TMEM117: variants seen among roughly 807,000 people sequenced by gnomAD.
The protein encoded by TMEM117 is transmembrane protein 117.
Under a neutral mutation model 52.4 loss-of-function variants are expected in TMEM117, and 27 were observed. The ratio of observed to expected loss-of-function variants is 0.51; its 90% CI spans 0.38 to 0.71. The LOEUF (loss-of-function observed/expected upper bound fraction) is 0.71, where lower values mean the gene tolerates loss of function less well. TMEM117 is among the 30% of genes least tolerant of loss of function. TMEM117 has a pLI of 0.00. For synonymous variants in TMEM117, 215 were observed against 206.3 expected (o/e 1.04, Z -0.36); for missense variants, 556 against 630.5 (o/e 0.88, Z 1.26).
intron 3 of TMEM117, among the ~76,000 whole-genome samples, chr12:44,118,681 T>TC (rs1948186048): frequency 6.6e-6 from 1 of 152,218 alleles, no homozygotes; most frequent in Non-Finnish European, 1.5e-5. Context: ...GATGAGCTCT[T>TC]CAAGTATTAC....
At chr12:44,312,807 A>G (rs1316626453) in intron 6 of TMEM117, among the ~76,000 whole-genome samples, 1 of 152,054 alleles carries the variant, frequency 6.6e-6, no homozygotes, top group Non-Finnish European at 1.5e-5. Flanking sequence ...ATTCTGACAG[A>G]TGTGAGATGG....
intron 3 of TMEM117, among the ~76,000 whole-genome samples, chr12:44,124,083 C>T (rs1341818048): frequency 6.6e-6 from 1 of 151,950 alleles, no homozygotes; most frequent in Non-Finnish European, 1.5e-5. Flanking sequence ...TTTCTTTGAG[C>T]AGTGGTTTGT....
chr12:44,305,104 G>T (rs1950888225), intron 6 of TMEM117, among the ~76,000 whole-genome samples: 1 of 152,160 alleles, frequency 6.6e-6, no homozygotes, highest in African/African-American at 2.4e-5. Flanking sequence ...GAGAGAGCCA[G>T]GCCTGGCAGT....
chr12:44,320,621 T>G (rs780611524), intron 6 of TMEM117, among the ~76,000 whole-genome samples: 2 of 152,204 alleles, frequency 1.3e-5, no homozygotes, highest in Admixed American at 6.5e-5. Context: ...AGTACAGACC[T>G]TTGCATGTGC....
chr12:44,373,771 CTTTTTTTTTTTTTTTT>C lies in TMEM117; in HGVS notation c.769-2811_769-2796del, dbSNP rs142046499. Among the ~76,000 whole-genome samples, 336 of 60,108 alleles carry C rather than the reference CTTTTTTTTTTTTTTTT, an allele frequency of 5.6e-3. 4 individuals carry two copies. The highest frequency in any genetic ancestry group is 0.022 in the African/African-American group (304 of 13,942). The allele number at this position is 60,108 out of a possible 152,430, so 39.4% of individuals were successfully genotyped here. A position where few individuals can be genotyped will look rare whatever the true frequency, so the allele number is the denominator to read the frequency against. ...TTCACCAGCCTAGGATGTCCATTTC[CTTTTTTTTTTTTTTTT>C]TTTTTTTTTTTTGAGATGGAGTCTC... is the stretch of plus-strand genomic sequence containing the variant. On this transcript the variant is annotated intron_variant, in intron 6 of 7. Transcript: ENST00000266534.
chr12:43,976,398 C>G (rs980775171), intron 3 of TMEM117, among the ~76,000 whole-genome samples: 3 of 149,932 alleles, frequency 2.0e-5, no homozygotes, highest in African/African-American at 7.6e-5. Context: ...AGAGAGTTAG[C>G]AGCCCCCCTA....
At chr12:44,093,602 A>T (rs1000181672) in intron 3 of TMEM117, among the ~76,000 whole-genome samples, 3 of 152,090 alleles carry the variant, frequency 2.0e-5, no homozygotes, top group Non-Finnish European at 4.4e-5. Context: ...CAACCATGGG[A>T]AGTTTCTTTT....
intron 6 of TMEM117, among the ~76,000 whole-genome samples, chr12:44,330,655 T>C (rs577875304): frequency 2.4e-4 from 37 of 152,224 alleles, no homozygotes; most frequent in African/African-American, 8.7e-4. Flanking sequence ...GTGACTACCG[T>C]ATTGGACAAG....
At chr12:44,385,715 A>G (rs1952079139) in intron 7 of TMEM117, among the ~76,000 whole-genome samples, 1 of 152,182 alleles carries the variant, frequency 6.6e-6, no homozygotes, top group Admixed American at 6.5e-5. Flanking sequence ...AAGAGAATAA[A>G]TATAAAGCTC....
At chr12:44,294,306 T>G (rs1950741185) in intron 5 of TMEM117, among the ~76,000 whole-genome samples, 1 of 152,206 alleles carries the variant, frequency 6.6e-6, no homozygotes, top group African/African-American at 2.4e-5. Flanking sequence ...AATTCTAAGA[T>G]TCCCAGTGGA....
intron 3 of TMEM117, among the ~76,000 whole-genome samples, chr12:44,034,088 C>T (rs1316602497): frequency 1.3e-5 from 2 of 152,108 alleles, no homozygotes; most frequent in South Asian, 4.1e-4. Flanking sequence ...ATTTCTAAGT[C>T]CCTCAACAAA....
intron 3 of TMEM117, among the ~76,000 whole-genome samples, chr12:44,013,737 C>T (rs1384922557): frequency 2.0e-5 from 3 of 152,134 alleles, no homozygotes; most frequent in Non-Finnish European, 4.4e-5. Flanking sequence ...GATTTATGTA[C>T]CTCAGCATTG....
chr12:43,797,358 C>T, the TMEM117 span: 23 of 1,605,616 alleles, frequency 1.4e-5, no homozygotes, highest in Non-Finnish European at 1.7e-5. Flanking sequence ...GAAATGGTAA[C>T]GAGCTGAATC....
At chr12:43,928,386 T>C (rs1944815522) in intron 2 of TMEM117, among the ~76,000 whole-genome samples, 1 of 152,044 alleles carries the variant, frequency 6.6e-6, no homozygotes, top group Non-Finnish European at 1.5e-5. Flanking sequence ...TGAGATCACC[T>C]CTGGAATTAG....
intron 4 of TMEM117, among the ~76,000 whole-genome samples, chr12:44,166,370 T>C (rs569315294): frequency 1.3e-5 from 2 of 152,306 alleles, no homozygotes; most frequent in South Asian, 4.1e-4. Flanking sequence ...TTAGTTGAGT[T>C]AATTAAAAAG....
intron 3 of TMEM117, among the ~76,000 whole-genome samples, chr12:44,062,450 A>G (rs1947154813): frequency 6.6e-6 from 1 of 152,354 alleles, no homozygotes; most frequent in South Asian, 2.1e-4. Flanking sequence ...CATACCGTCT[A>G]TGAAATAGCT....
intron 2 of TMEM117, among the ~76,000 whole-genome samples, chr12:43,895,304 C>T (rs774283352): frequency 5.9e-5 from 9 of 152,072 alleles, no homozygotes; most frequent in Non-Finnish European, 7.4e-5. Flanking sequence ...CATCTCTATC[C>T]ATGTCTTTGC....
At chr12:44,277,195 A>G (rs1379242395) in intron 5 of TMEM117, among the ~76,000 whole-genome samples, 1 of 152,122 alleles carries the variant, frequency 6.6e-6, no homozygotes, top group African/African-American at 2.4e-5. Flanking sequence ...CTGTGAATAC[A>G]TGTTTTTGCT....
intron 3 of TMEM117, among the ~76,000 whole-genome samples, chr12:43,952,165 A>G (rs1311728524): frequency 6.6e-6 from 1 of 152,190 alleles, no homozygotes; most frequent in African/African-American, 2.4e-5. Flanking sequence ...AAGGTAGATA[A>G]ATCCACAAAA....
Sources: gnomAD v4.1 joint callset for allele counts (sites outside exome capture counted in the v4.1 genomes callset) on GRCh38, gnomAD v4.1.1 for gene constraint, MANE v1.5 for transcripts, NCBI Gene and HGNC (gene_info 2026-07-23, HGNC 2026-07-21) for gene names.